The following APBA2 variants were observed in gnomAD, a reference collection of about 807,000 sequenced individuals.
APBA2 encodes amyloid beta precursor protein binding family A member 2.
Under a neutral mutation model 75.0 loss-of-function variants are expected in APBA2, and 30 were observed. The observed-to-expected ratio is 0.40, with a 90% CI of 0.30 to 0.54. The LOEUF is 0.54. Among genes scored for constraint, APBA2 ranks in the 20% least tolerant of loss-of-function variants. The pLI is 0.49. For synonymous variants in APBA2, 444 were observed against 409.6 expected (o/e 1.08, Z -1.01); for missense variants, 801 against 1,016.1 (o/e 0.79, Z 2.88).
At chr15:29,015,725 C>T (rs894310734) in intron 3 of APBA2, among the ~76,000 whole-genome samples, 7 of 152,192 alleles carry the variant, frequency 4.6e-5, no homozygotes, top group Non-Finnish European at 8.8e-5. Flanking sequence ...CTTGCTTGCT[C>T]AGTGACAACT....
chr15:29,116,558 G>A (rs1489466602), intron 14 of APBA2, among the ~76,000 whole-genome samples: 2 of 151,510 alleles, frequency 1.3e-5, no homozygotes, highest in Non-Finnish European at 2.9e-5. Flanking sequence ...AACCCGGGGG[G>A]CAGAGCTTGC....
chr15:29,070,633 T>G (rs1365013252), intron 4 of APBA2: 1 of 171,274 alleles, frequency 5.8e-6, no homozygotes, highest in Non-Finnish European at 1.3e-5. Flanking sequence ...CACGCAGATG[T>G]CAGGGGACGG....
rs936650389 is a variant in APBA2, at chr15:29,108,270, G to C, written c.1918G>C (p.Gly640Arg). 4 of 1,613,670 alleles carry C rather than the reference G, an allele frequency of 2.5e-6. No homozygotes were observed. In the African/African-American group the frequency reaches 5.3e-5, roughly 22 times the overall value. Reference sequence around the variant, plus strand: ...TGACTCCTGTCCCCGTGCTCTGCAGGGCCTGAAGAACCAGACACAGGTGAA... The same window carrying C: ...TGACTCCTGTCCCCGTGCTCTGCAGCGCCTGAAGAACCAGACACAGGTGAA... ...PLATCQGIIK[G>R]LKNQTQVKLN... Residue 640 changes from glycine (G) to arginine (R), a missense_variant and splice_region_variant, in exon 13 of 15, where the codon GGC becomes CGC. By Grantham distance (125) the Gly-to-Arg change is moderately radical. This residue lies in a region of APBA2 where 367 missense variants were observed against 544.5 expected (regional missense o/e 0.67). Transcript: ENST00000683413.
intron 3 of APBA2, among the ~76,000 whole-genome samples, chr15:29,012,643 C>T (rs2039457840): frequency 6.6e-6 from 1 of 152,144 alleles, no homozygotes; most frequent in Non-Finnish European, 1.5e-5. Flanking sequence ...ATACTTTGGG[C>T]TATAAACCAG....
At chr15:28,899,398 G>T (rs567419576) in intron 1 of APBA2, among the ~76,000 whole-genome samples, 1 of 152,222 alleles carries the variant, frequency 6.6e-6, no homozygotes, top group South Asian at 2.1e-4. Flanking sequence ...GGGCCATGTC[G>T]CTGACTTCAG....
chr15:28,926,501 G>A (rs2034268081), intron 2 of APBA2, among the ~76,000 whole-genome samples: 1 of 151,960 alleles, frequency 6.6e-6, no homozygotes, highest in South Asian at 2.1e-4. Context: ...TTATCCATAT[G>A]TCATAATCAT....
At chr15:29,034,000 C>G (rs925899403) in intron 3 of APBA2, among the ~76,000 whole-genome samples, 7 of 146,056 alleles carry the variant, frequency 4.8e-5, no homozygotes, top group African/African-American at 1.8e-4. Context: ...GAAGAAGGGA[C>G]ACCTAGGGTG....
At chr15:29,002,573 TG>T (rs1472938811) in intron 3 of APBA2, among the ~76,000 whole-genome samples, 1 of 150,702 alleles carries the variant, frequency 6.6e-6, no homozygotes, top group Non-Finnish European at 1.5e-5. Flanking sequence ...GGTCAGCGAG[TG>T]GGGGGCTGCA....
chr15:28,896,154 C>CG (rs894535562), intron 1 of APBA2, among the ~76,000 whole-genome samples: 4 of 151,968 alleles, frequency 2.6e-5, no homozygotes, highest in African/African-American at 9.7e-5. Context: ...CTATTTGATG[C>CG]GGGGGTTGGG....
chr15:29,105,140 A>G (rs2044329109), intron 10 of APBA2, among the ~76,000 whole-genome samples: 2 of 152,068 alleles, frequency 1.3e-5, no homozygotes, highest in Admixed American at 6.5e-5. Flanking sequence ...TCAGGAGTAG[A>G]CCCTTTGGGG....
chr15:29,044,521 C>T (rs1194641487), intron 3 of APBA2: 1 of 152,056 alleles, frequency 6.6e-6, no homozygotes, highest in Non-Finnish European at 1.5e-5. Flanking sequence ...AGCAAAGGAC[C>T]TGAGTGTGTT....
intron 2 of APBA2, among the ~76,000 whole-genome samples, chr15:28,945,979 G>A (rs1224946944): frequency 1.3e-5 from 2 of 152,192 alleles, no homozygotes; most frequent in African/African-American, 4.8e-5. Flanking sequence ...GCCCACACTG[G>A]GTGTGACGGG....
rs79149171 is a variant in APBA2 at position 29,079,940 on chromosome 15, G to A, written c.1069+3849G>A. On this transcript the variant is annotated intron_variant, in intron 6 of 14. Coordinates refer to ENST00000683413, the MANE Select transcript of APBA2 (RefSeq NM_001353788.2). ...TTCATGTCGCCTGGTCAACCACCAC[G>A]TGAGGAGTAAGTACTTTCCCCCGTC... Among the ~76,000 whole-genome samples, 1,347 of 152,286 alleles carry A rather than the reference G, an allele frequency of 8.8e-3. 30 individuals are homozygous for A. The highest frequency in any genetic ancestry group is 0.03 in the African/African-American group (1,259 of 41,552).
chr15:28,897,111 T>C (rs2032537919), intron 1 of APBA2, among the ~76,000 whole-genome samples: 1 of 151,880 alleles, frequency 6.6e-6, no homozygotes, highest in Admixed American at 6.6e-5. Flanking sequence ...AAATGACTCA[T>C]CTTAAAATAA....
Position 29,101,690 on chromosome 15 carries a change from G to A in APBA2, c.1430G>A (p.Arg477Gln), listed in dbSNP as rs573898603. The A allele has an allele frequency of 3.1e-6, 5 of 1,613,614 alleles. No homozygotes were observed. The highest frequency in any genetic ancestry group is 1.3e-5 in the African/African-American group (1 of 75,048). ...VVLMARRRMP[R>Q]SASQDCIETT... The stretch of plus-strand genomic sequence containing the variant: ...CTGATGGCCAGACGCCGCATGCCCC[G>A]GTCAGCCTCTCAGGACTGCATCGAG... Residue 477 changes from arginine (R) to glutamine (Q), a missense_variant, in exon 10 of 15, where the codon CGG (arginine) becomes CAG (glutamine). Arg to Gln is a conservative substitution (Grantham distance 43, BLOSUM62 1). This residue lies in a region of APBA2 where 367 missense variants were observed against 544.5 expected (regional missense o/e 0.67). Transcript: ENST00000683413.
chr15:29,107,578 G>A (rs116198087), intron 12 of APBA2, among the ~76,000 whole-genome samples: 25 of 152,254 alleles, frequency 1.6e-4, no homozygotes, highest in African/African-American at 5.1e-4. Context: ...ACTGGCTCTC[G>A]GAGCTGGCCC....
chr15:29,029,455 G>C (rs937725759), intron 3 of APBA2, among the ~76,000 whole-genome samples: 16 of 151,948 alleles, frequency 1.1e-4, no homozygotes, highest in Non-Finnish European at 2.2e-4. Flanking sequence ...TTTACATTTT[G>C]AATGCTTTCT....
intron 2 of APBA2, among the ~76,000 whole-genome samples, chr15:28,955,976 C>T (rs1167917636): frequency 6.6e-6 from 1 of 152,186 alleles, no homozygotes; most frequent in East Asian, 1.9e-4. Flanking sequence ...CAGTCTCAGG[C>T]CCCACCCTGG....
intron 2 of APBA2, among the ~76,000 whole-genome samples, chr15:28,985,195 G>T (rs2152773716): frequency 6.6e-6 from 1 of 152,284 alleles, no homozygotes; most frequent in Non-Finnish European, 1.5e-5. Context: ...GTTCTGGGAG[G>T]CCCTGAGGCT....
Sources: allele counts gnomAD v4.1 joint callset (sites outside exome capture counted in the v4.1 genomes callset), GRCh38; gene constraint gnomAD v4.1.1; regional missense constraint gnomAD v4.1.1; transcripts MANE v1.5; gene names NCBI Gene and HGNC (gene_info 2026-07-23, HGNC 2026-07-21).